CLOCK: variants seen among roughly 807,000 people sequenced by gnomAD.
The protein encoded by CLOCK is clock circadian regulator, also known as circadian locomoter output cycles protein kaput.
CLOCK carries 43 observed loss-of-function variants against 118.4 expected under a neutral mutation model. The observed-to-expected ratio is 0.36, with a 90% CI of 0.28 to 0.47. The LOEUF (loss-of-function observed/expected upper bound fraction) is 0.47. Ranked by LOEUF, CLOCK falls within the 20% of genes least tolerant of loss-of-function variation. The pLI is 1.00. For missense variants in CLOCK, 846 were observed against 999.9 expected, an observed-to-expected ratio of 0.85 and a Z score of 2.08; for synonymous variants, 326 against 339.2, an observed-to-expected ratio of 0.96 and a Z score of 0.43.
intron 1 of CLOCK, among the ~76,000 whole-genome samples, chr4:55,514,683 T>C (rs1729377937): frequency 6.6e-6 from 1 of 152,192 alleles, no homozygotes; most frequent in Non-Finnish European, 1.5e-5. Context: ...TGGTTTTCTT[T>C]AGCCAGTTAA....
chr4:55,459,198 G>C lies in CLOCK; in HGVS notation c.623C>G (p.Ser208Cys), dbSNP rs34897046. 76,896 of 1,610,720 alleles carry C rather than the reference G, an allele frequency of 0.048. 2,182 individuals carry two copies. Among genetic ancestry groups the C allele is most frequent in the Non-Finnish European group, 0.057 (67,218 of 1,176,946 alleles). Residue 208 changes from serine (S) to cysteine (C), a missense_variant, in exon 10 of 23, where the codon TCT (serine) becomes TGT (cysteine). By Grantham distance (112) the Ser-to-Cys change is moderately radical. Transcript: ENST00000513440. ...TATAAATTTTACATATTCATAGGTA[G>C]ATGGCTCCTTTGGGTCTATTGTTCC... is the stretch of plus-strand genomic sequence containing the variant. Reference protein sequence around the residue: ...LRGTIDPKEPSTYEYVKFIGN... With the variant: ...LRGTIDPKEPCTYEYVKFIGN...
In CLOCK at chr4:55,456,194, CATGGAATTTAAAA is replaced by C; in HGVS notation, c.875+11_875+23del. On this transcript the variant is annotated intron_variant, in intron 12 of 22. Transcript: ENST00000513440. Reference sequence around the variant, plus strand: ...TTATATAACATGACTATTACCTTTTCATGGAATTTAAAAATGGAATTACCTGTGATCTAGAAAC... The same window carrying C: ...TTATATAACATGACTATTACCTTTTCATGGAATTACCTGTGATCTAGAAAC... 1 of 1,509,450 alleles carries C rather than the reference CATGGAATTTAAAA, an allele frequency of 6.6e-7. No homozygotes were observed. The highest frequency in any genetic ancestry group is 9.2e-7 in the Non-Finnish European group (1 of 1,090,154). The allele number at this position is 1,509,450 out of a possible 1,614,324, so 93.5% of individuals were successfully genotyped here.
At chr4:55,439,682 G>T (rs1723188857) in intron 21 of CLOCK, among the ~76,000 whole-genome samples, 1 of 152,130 alleles carries the variant, frequency 6.6e-6, no homozygotes, top group Non-Finnish European at 1.5e-5. Flanking sequence ...CCTTAAAAAG[G>T]AAAGAAATTC....
Position 55,476,021 on chromosome 4 carries a change from C to T in CLOCK, c.290G>A (p.Arg97Gln), listed in dbSNP as rs1324685167. Residue 97 changes from arginine (R) to glutamine (Q), a missense_variant, in exon 7 of 23, where the codon CGA becomes CAA. By Grantham distance (43) the Arg-to-Gln change is conservative. Transcript: ENST00000513440. ...ITAQSDASEI[R>Q]QDWKPTFLSN... ...AAGGAATGTAGGTTTCCAGTCCTGT[C>T]GAATTTCACTAGCATCTGACTGTGC... is the stretch of plus-strand genomic sequence containing the variant. The T allele has an allele frequency of 3.1e-6, 5 of 1,613,028 alleles. No homozygotes were observed. Among genetic ancestry groups the T allele is most frequent in the Admixed American group, 1.7e-5 (1 of 59,976 alleles).
At chr4:55,514,244 GT>G (rs1577834560) in intron 1 of CLOCK, among the ~76,000 whole-genome samples, 1 of 152,214 alleles carries the variant, frequency 6.6e-6, no homozygotes, top group East Asian at 1.9e-4. Flanking sequence ...GTTAGCTATA[GT>G]TTTATTCTCA....
At chr4:55,540,688 T>C (rs1028885625) in intron 1 of CLOCK, 2 of 152,224 alleles carry the variant, frequency 1.3e-5, no homozygotes, top group African/African-American at 4.8e-5. Context: ...GGTTGTCCTC[T>C]TCAACCAAGC....
chr4:55,525,798 T>C (rs576658886), intron 1 of CLOCK, among the ~76,000 whole-genome samples: 29 of 151,958 alleles, frequency 1.9e-4, no homozygotes, highest in African/African-American at 6.8e-4. Context: ...AAGTATATGT[T>C]ACCTTTCTAC....
At chr4:55,448,603 T>TGCGC (rs1228920045) in intron 18 of CLOCK, among the ~76,000 whole-genome samples, 176 bp downstream of exon 18, 1 of 27,922 alleles carries the variant, frequency 3.6e-5, no homozygotes, top group African/African-American at 1.7e-4. Context: ...CACGCGCGCG[T>TGCGC]GTGTGTGTGT....
At chr4:55,446,907 G>A (rs1723898913) in intron 18 of CLOCK, among the ~76,000 whole-genome samples, 1 of 152,096 alleles carries the variant, frequency 6.6e-6, no homozygotes, top group South Asian at 2.1e-4. Context: ...TCAATAGTTT[G>A]TATTTGGGAT....
intron 6 of CLOCK, among the ~76,000 whole-genome samples, chr4:55,476,635 T>TA (rs1227524146): frequency 6.6e-6 from 1 of 152,164 alleles, no homozygotes; most frequent in Admixed American, 6.6e-5. Context: ...TGATTTTTCT[T>TA]AGTGTCCTCC....
chr4:55,541,854 T>C (rs1731288926), intron 1 of CLOCK, among the ~76,000 whole-genome samples: 1 of 151,776 alleles, frequency 6.6e-6, no homozygotes, highest in Non-Finnish European at 1.5e-5. Flanking sequence ...AACAACTCCT[T>C]ACGTTATCAA....
rs941249104 is a variant in CLOCK at position 55,429,247 on chromosome 4, C to T, written c.*6168G>A. ...TTTGAAAACGTATCTTCAGTTTAAC[C>T]CTCAGAGTTAAGAAATATTTTTTAG... On this transcript the variant is annotated 3_prime_UTR_variant, in exon 23 of 23. Transcript: ENST00000513440. 6.6e-6 allele frequency: 1 copy of T among 152,048 alleles called. No homozygotes were observed. Among genetic ancestry groups the T allele is most frequent in the African/African-American group, 2.4e-5 (1 of 41,404 alleles). The allele number at this position is 152,048 out of a possible 1,614,324, so 9.4% of individuals were successfully genotyped here. A position where few individuals can be genotyped will look rare whatever the true frequency, so the allele number is the denominator to read the frequency against.
intron 10 of CLOCK, 37 bp downstream of exon 10, chr4:55,459,109 CAA>C (rs1725126154): frequency 5.4e-6 from 8 of 1,475,734 alleles, no homozygotes; most frequent in Admixed American, 3.3e-5. Flanking sequence ...AGAAAAATAA[CAA>C]GTTAAAACAC....
intron 18 of CLOCK, among the ~76,000 whole-genome samples, chr4:55,446,325 G>C (rs1397409964): frequency 1.3e-5 from 2 of 151,838 alleles, no homozygotes; most frequent in African/African-American, 4.8e-5. Context: ...CTGAGCTCAG[G>C]CAATCCTCCC....
At chr4:55,537,844 A>G (rs538266498) in intron 1 of CLOCK, among the ~76,000 whole-genome samples, 1 of 152,262 alleles carries the variant, frequency 6.6e-6, no homozygotes. Flanking sequence ...GCATGCTTAC[A>G]TTAGAAAAGA....
At chr4:55,449,341 A>C in intron 17 of CLOCK, 55 bp downstream of exon 17, 1 of 1,455,176 alleles carries the variant, frequency 6.9e-7, no homozygotes. Flanking sequence ...GATTTAGATC[A>C]TTTTTCCCCT....
In CLOCK at chr4:55,432,909, C is replaced by G. The variant is rs1722614571; in HGVS notation, c.*2506G>C. ...GCTGGAGTAGGACAATGTGAGTAAA[C>G]AGTTTAGACGTTTACCTGGGGCTTG... is the stretch of plus-strand genomic sequence containing the variant. On this transcript the variant is annotated 3_prime_UTR_variant, in exon 23 of 23. Transcript: ENST00000513440. 1 of 152,574 alleles carries G rather than the reference C, an allele frequency of 6.6e-6. No homozygotes were observed. Among genetic ancestry groups the G allele is most frequent in the Non-Finnish European group, 1.5e-5 (1 of 68,028 alleles). 9.5% of individuals were successfully genotyped at this position (152,574 alleles called of 1,614,324 possible).
chr4:55,500,860 G>A (rs545000610), intron 2 of CLOCK, among the ~76,000 whole-genome samples: 1 of 151,896 alleles, frequency 6.6e-6, no homozygotes, highest in Non-Finnish European at 1.5e-5. Flanking sequence ...CTGTTTTTGC[G>A]CTTGTTTTTG....
chr4:55,468,296 A>G lies in CLOCK; in HGVS notation c.438+2421T>C, dbSNP rs542095881. On this transcript the variant is annotated intron_variant, in intron 8 of 22. Transcript: ENST00000513440. ...AAGAGTAGTTTATAAGTAACTTTAG[A>G]ATATTTATACCATGAGCTCCATCTT... Among the ~76,000 whole-genome samples the G allele has an allele frequency of 2.0e-5, 3 of 152,248 alleles. No individual in the cohort carries two copies. The East Asian group carries it at 5.8e-4, about 29-fold the overall frequency.
Sources: gnomAD v4.1 joint callset for allele counts (sites outside exome capture counted in the v4.1 genomes callset) on GRCh38, gnomAD v4.1.1 for gene constraint, MANE v1.5 for transcripts, NCBI Gene and HGNC (gene_info 2026-07-23, HGNC 2026-07-21) for gene names.